Variants in NELL1 observed in about 807,000 individuals in gnomAD.
The protein encoded by NELL1 is neural EGFL like 1.
A neutral mutation model predicts 107.4 loss-of-function variants in NELL1; 76 were observed. The observed-to-expected ratio is 0.71, with a 90% confidence interval of 0.59 to 0.86. NELL1 has a LOEUF of 0.86. NELL1 is among the 40% of genes least tolerant of loss of function. The pLI is 0.00. For missense variants in NELL1, 1,024 were observed against 1,005.5 expected, an observed-to-expected ratio of 1.02 and a Z score of -0.25; for synonymous variants, 353 against 341.2, an observed-to-expected ratio of 1.03 and a Z score of -0.38.
At chr11:21,543,207 A>G (rs1231693304) in intron 16 of NELL1, among the ~76,000 whole-genome samples, 1 of 152,080 alleles carries the variant, frequency 6.6e-6, no homozygotes, top group Non-Finnish European at 1.5e-5. Context: ...CTTTGATAAT[A>G]TTTAGTGTGG....
intron 12 of NELL1, among the ~76,000 whole-genome samples, chr11:21,111,217 C>T (rs149444264): frequency 8.8e-4 from 134 of 152,154 alleles, no homozygotes; most frequent in African/African-American, 3.2e-3. Context: ...ACACATTTTG[C>T]TCAATGCCTT....
At chr11:21,336,513 CA>C (rs1046290031) in intron 14 of NELL1, among the ~76,000 whole-genome samples, 3 of 151,098 alleles carry the variant, frequency 2.0e-5, no homozygotes, top group African/African-American at 2.4e-5. Context: ...TCTGCCCCCA[CA>C]AAAAAAAGAA....
chr11:20,816,671 C>G (rs1047256148), intron 3 of NELL1, among the ~76,000 whole-genome samples: 1 of 152,022 alleles, frequency 6.6e-6, no homozygotes, highest in Non-Finnish European at 1.5e-5. Context: ...AACTTCCAGT[C>G]TTATGTTGAA....
At chr11:21,095,658 T>C (rs1854624238) in intron 12 of NELL1, among the ~76,000 whole-genome samples, 1 of 152,166 alleles carries the variant, frequency 6.6e-6, no homozygotes, top group South Asian at 2.1e-4. Flanking sequence ...TTGCCCAGGC[T>C]GGAGTGCAAT....
chr11:21,242,485 G>A (rs1190599119), intron 14 of NELL1, among the ~76,000 whole-genome samples: 1 of 152,072 alleles, frequency 6.6e-6, no homozygotes, highest in Non-Finnish European at 1.5e-5. Flanking sequence ...CAGGAAGCAG[G>A]GGAGAACACA....
intron 15 of NELL1, among the ~76,000 whole-genome samples, chr11:21,521,423 G>C (rs1855721290): frequency 6.6e-6 from 1 of 151,978 alleles, no homozygotes; most frequent in African/African-American, 2.4e-5. Flanking sequence ...TTTCCATCTT[G>C]GTCAACATTC....
intron 12 of NELL1, among the ~76,000 whole-genome samples, chr11:21,096,037 A>G (rs1425372159): frequency 6.6e-6 from 1 of 152,128 alleles, no homozygotes; most frequent in East Asian, 1.9e-4. Context: ...TCTTGCCCCC[A>G]TGATTCAATT....
Position 21,077,722 on chromosome 11 carries a change from G to A in NELL1, c.1301-35867G>A, listed in dbSNP as rs567982281. Among the ~76,000 whole-genome samples, 250 of 147,990 alleles carry A rather than the reference G, an allele frequency of 1.7e-3. 1 individual carries two copies. Among genetic ancestry groups the A allele is most frequent in the African/African-American group, 6.0e-3 (239 of 39,786 alleles). ...TGCATCACCGCACTTCAGCCTGGGC[G>A]ACAGAGTGAGACTCTGTCTCAGGAA... On this transcript the variant is annotated intron_variant, in intron 12 of 19. Coordinates refer to ENST00000357134, the MANE Select transcript of NELL1 (RefSeq NM_006157.5).
In NELL1 at chr11:20,722,608, G is replaced by A. The variant is rs111841867; in HGVS notation, c.184+44548G>A. 9.8e-3 allele frequency among the ~76,000 whole-genome samples: 1,499 copies of A among 152,244 alleles called. 22 individuals are homozygous for A. The highest frequency in any genetic ancestry group is 0.035 in the African/African-American group (1,435 of 41,542). On this transcript the variant is annotated intron_variant, in intron 2 of 19. Transcript: ENST00000357134. ...TGAGGTGATACATGTAAAGCTTTTAGCACAGTGGCAGGCTCACAGTGAGAA... is the reference window on the plus strand; with the variant it reads ...TGAGGTGATACATGTAAAGCTTTTAACACAGTGGCAGGCTCACAGTGAGAA...
chr11:20,915,717 A>ATATATATATATATATTTT lies in NELL1; in HGVS notation c.604-2464_604-2463insATATATATATATATTTTT. 1.1e-3 allele frequency among the ~76,000 whole-genome samples: 64 copies of ATATATATATATATATTTT among 58,214 alleles called. 1 individual carries two copies. The highest frequency in any genetic ancestry group is 1.4e-3 in the Non-Finnish European group (47 of 34,162). 38.2% of individuals were successfully genotyped at this position (58,214 alleles called of 152,430 possible). A position where few individuals can be genotyped will look rare whatever the true frequency, so the allele number is the denominator to read the frequency against. On this transcript the variant is annotated intron_variant, in intron 5 of 19. Transcript: ENST00000357134. ...TCATAGATGATATATATATATATATATTTTTTTTTTTTTTTTTTGAGAGGA... is the reference window on the plus strand; with the variant it reads ...TCATAGATGATATATATATATATATATATATATATATATATTTTTTTTTTTTTTTTTTTTTTGAGAGGA...
intron 14 of NELL1, among the ~76,000 whole-genome samples, chr11:21,230,115 C>T (rs916484092): frequency 6.6e-6 from 1 of 152,176 alleles, no homozygotes; most frequent in Non-Finnish European, 1.5e-5. Flanking sequence ...AATGTCTCCT[C>T]ATCACAGAAA....
At chr11:20,742,627 T>G (rs1855915805) in intron 2 of NELL1, among the ~76,000 whole-genome samples, 1 of 152,146 alleles carries the variant, frequency 6.6e-6, no homozygotes, top group Non-Finnish European at 1.5e-5. Flanking sequence ...CAAGAGAGCG[T>G]GTGCAGGAGA....
chr11:20,773,423 T>G (rs948030952), intron 2 of NELL1: 2 of 152,166 alleles, frequency 1.3e-5, no homozygotes, highest in Non-Finnish European at 2.9e-5. Context: ...TTTGTAAAAA[T>G]GAGGAAGCTG....
intron 3 of NELL1, among the ~76,000 whole-genome samples, chr11:20,845,615 T>C (rs1023038655): frequency 6.6e-6 from 1 of 152,170 alleles, no homozygotes; most frequent in East Asian, 1.9e-4. Context: ...TTGGGCAAGA[T>C]ACTTAATATC....
At chr11:21,225,916 G>C (rs1857881071) in intron 13 of NELL1, among the ~76,000 whole-genome samples, 1 of 152,104 alleles carries the variant, frequency 6.6e-6, no homozygotes, top group South Asian at 2.1e-4. Context: ...TTACAATGAG[G>C]AATCTAAGAC....
At chr11:21,275,279 C>G (rs1395389399) in intron 14 of NELL1, among the ~76,000 whole-genome samples, 1 of 152,148 alleles carries the variant, frequency 6.6e-6, no homozygotes, top group African/African-American at 2.4e-5. Context: ...CACCTCTACG[C>G]AAATAAACTA....
At chr11:20,868,374 A>G (rs192107309) in intron 4 of NELL1, among the ~76,000 whole-genome samples, 67 of 152,308 alleles carry the variant, frequency 4.4e-4, no homozygotes, top group African/African-American at 1.6e-3. Context: ...GAGGTTTTCA[A>G]GTGCTGGGGG....
At chr11:21,066,936 A>G (rs1853887303) in intron 12 of NELL1, among the ~76,000 whole-genome samples, 1 of 151,944 alleles carries the variant, frequency 6.6e-6, no homozygotes, top group South Asian at 2.1e-4. Flanking sequence ...CCTGAGCGAC[A>G]GAGCGAGACT....
chr11:20,723,355 G>A lies in NELL1; in HGVS notation c.184+45295G>A, dbSNP rs191421812. On this transcript the variant is annotated intron_variant, in intron 2 of 19. Transcript: ENST00000357134. ...TAGTTACTCCCAACATACAGTAGGG[G>A]TGCAGGCATTGGGTAAATGTTCCCA... Among the ~76,000 whole-genome samples, 161 of 152,302 alleles carry A rather than the reference G, an allele frequency of 1.1e-3. 2 individuals carry two copies. Among genetic ancestry groups the A allele is most frequent in the African/African-American group, 3.5e-3 (146 of 41,564 alleles).
Sources: gnomAD v4.1 joint callset for allele counts (sites outside exome capture counted in the v4.1 genomes callset) on GRCh38, gnomAD v4.1.1 for gene constraint, MANE v1.5 for transcripts, NCBI Gene and HGNC (gene_info 2026-07-23, HGNC 2026-07-21) for gene names.